The following CEP63 variants were observed in gnomAD, a reference collection of about 807,000 sequenced individuals.
CEP63 encodes the protein centrosomal protein 63.
A neutral mutation model predicts 89.1 loss-of-function variants in CEP63; 84 were observed. The ratio of observed to expected loss-of-function variants is 0.94; its 90% CI spans 0.79 to 1.13. The LOEUF (loss-of-function observed/expected upper bound fraction) is 1.13. Ranked by LOEUF, CEP63 falls within the 50% of genes most tolerant of loss-of-function variation. The pLI, the probability that CEP63 is intolerant of heterozygous loss-of-function variation, is 0.00. For synonymous variants in CEP63, 267 were observed against 272.5 expected, an observed-to-expected ratio of 0.98 and a Z score of 0.20; for missense variants, 838 against 813.3, an observed-to-expected ratio of 1.03 and a Z score of -0.37.
the CEP63 span, among the ~76,000 whole-genome samples, chr3:134,648,941 A>G: frequency 1.3e-5 from 2 of 152,122 alleles, no homozygotes; most frequent in Admixed American, 6.5e-5. Flanking sequence ...TTTGTTTTAT[A>G]TCTTGCACCC....
chr3:134,573,141 T>C (rs1018089899), intron 11 of CEP63, among the ~76,000 whole-genome samples: 1 of 152,340 alleles, frequency 6.6e-6, no homozygotes, highest in East Asian at 1.9e-4. Context: ...TTTAAGTTCC[T>C]TATAGATTCT....
chr3:134,776,587 C>T, the CEP63 span, among the ~76,000 whole-genome samples: 1 of 152,274 alleles, frequency 6.6e-6, no homozygotes, highest in South Asian at 2.1e-4. Flanking sequence ...ACATGGCCTA[C>T]CCACAGGGTC....
chr3:134,583,937 T>C (rs546392918), intron 10 of CEP63, among the ~76,000 whole-genome samples: 1 of 152,160 alleles, frequency 6.6e-6, no homozygotes, highest in Non-Finnish European at 1.5e-5. Context: ...ATTCTCTTTG[T>C]AGCAATTGTG....
chr3:134,769,099 G>T, the CEP63 span, among the ~76,000 whole-genome samples: 3 of 151,108 alleles, frequency 2.0e-5, no homozygotes, highest in Non-Finnish European at 4.4e-5. Flanking sequence ...TGGCTCTGTG[G>T]TGAAAGAAGT....
At chr3:134,548,656 A>G (rs1197460310) in intron 9 of CEP63, among the ~76,000 whole-genome samples, 1 of 71,324 alleles carries the variant, frequency 1.4e-5, no homozygotes, top group East Asian at 2.8e-4. Flanking sequence ...TTTAAGTAAT[A>G]CATTTTTTGT....
the CEP63 span, among the ~76,000 whole-genome samples, chr3:134,605,617 C>G: frequency 1.3e-5 from 2 of 152,220 alleles, no homozygotes; most frequent in East Asian, 3.9e-4. Flanking sequence ...AAAAGCTGTC[C>G]CAACCCTGTC....
intron 1 of CEP63, among the ~76,000 whole-genome samples, chr3:134,487,447 A>G (rs1049728898): frequency 2.0e-5 from 3 of 152,214 alleles, no homozygotes; most frequent in Admixed American, 1.3e-4. Context: ...GATTGTACTG[A>G]TGCCATTTCC....
chr3:134,547,246 CA>C, intron 8 of CEP63, 88 bp from the exon 9 acceptor site: 1 of 1,301,174 alleles, frequency 7.7e-7, no homozygotes. Flanking sequence ...AAGAGGTTAC[CA>C]AAAATGATGG....
chr3:134,511,239 G>T (rs1035820194), intron 3 of CEP63: 39 of 167,226 alleles, frequency 2.3e-4, no homozygotes, highest in African/African-American at 8.2e-4. Context: ...TCCTCTTTGG[G>T]CAGAGCACTT....
At chr3:134,530,153 A>C (rs1005048402) in intron 3 of CEP63, among the ~76,000 whole-genome samples, 5 of 152,162 alleles carry the variant, frequency 3.3e-5, no homozygotes, top group South Asian at 4.2e-4. Flanking sequence ...GATTACAGGC[A>C]TGAGCCACCG....
the CEP63 span, among the ~76,000 whole-genome samples, chr3:134,670,477 A>G: frequency 6.6e-6 from 1 of 152,222 alleles, no homozygotes; most frequent in Non-Finnish European, 1.5e-5. Context: ...GCAGTGTCCC[A>G]TCATTGCAAG....
chr3:134,569,065 C>T (rs1421664536), downstream of CEP63, among the ~76,000 whole-genome samples: 6 of 152,168 alleles, frequency 3.9e-5, no homozygotes, highest in East Asian at 1.9e-4. Context: ...TTCACCATCA[C>T]GAGAACAGCG....
At chr3:134,753,552 G>A in the CEP63 span, among the ~76,000 whole-genome samples, 1 of 152,214 alleles carries the variant, frequency 6.6e-6, no homozygotes, top group South Asian at 2.1e-4. Flanking sequence ...CCATCACCTA[G>A]AGCATAAGAC....
the CEP63 span, among the ~76,000 whole-genome samples, chr3:134,653,136 G>A: frequency 2.0e-5 from 3 of 152,146 alleles, no homozygotes; most frequent in Admixed American, 1.3e-4. Context: ...AGACAGCTTC[G>A]GAGCAGGGCC....
At chr3:134,778,097 CTT>C in the CEP63 span, among the ~76,000 whole-genome samples, 89,598 of 132,254 alleles carry the variant, frequency 0.68, 30,772 homozygotes, top group East Asian at 0.85. Flanking sequence ...TTCCACGTCA[CTT>C]TTTTTTTTTT....
At chr3:134,780,634 GC>G in the CEP63 span, 2 of 152,126 alleles carry the variant, frequency 1.3e-5, no homozygotes, top group African/African-American at 2.4e-5. Context: ...GCACTTGGGT[GC>G]TTTTGACACA....
chr3:134,606,149 G>T, the CEP63 span, among the ~76,000 whole-genome samples: 1 of 152,074 alleles, frequency 6.6e-6, no homozygotes. Flanking sequence ...ACGGCCCCTG[G>T]TCCTGTTCCA....
chr3:134,575,209 C>T (rs1185753225), downstream of CEP63, among the ~76,000 whole-genome samples: 482 of 7,372 alleles, frequency 0.065, 10 homozygotes, highest in Non-Finnish European at 0.12. Flanking sequence ...TTCCCTCCCT[C>T]CCTCCCTCCC....
chr3:134,729,178 T>C, the CEP63 span, among the ~76,000 whole-genome samples: 10 of 152,186 alleles, frequency 6.6e-5, no homozygotes, highest in Admixed American at 5.9e-4. Flanking sequence ...AAATGGTATA[T>C]AGTGAAAAAT....
Sources: allele counts gnomAD v4.1 joint callset (sites outside exome capture counted in the v4.1 genomes callset), GRCh38; gene constraint gnomAD v4.1.1; transcripts MANE v1.5; gene names NCBI Gene and HGNC (gene_info 2026-07-23, HGNC 2026-07-21).